Variants in COQ6 observed in about 807,000 individuals in gnomAD.
COQ6 encodes the protein ubiquinone biosynthesis monooxygenase COQ6, mitochondrial.
In COQ6, 45 loss-of-function variants were observed where a neutral mutation model predicts 55.5. The ratio of observed to expected loss-of-function variants is 0.81; its 90% CI spans 0.64 to 1.04. The LOEUF is 1.04. Ranked by LOEUF, COQ6 falls within the 50% of genes least tolerant of loss-of-function variation. The probability of loss-of-function intolerance (pLI) is 0.00; values close to 1 mark genes in which losing one functional copy is unlikely to be tolerated. For missense variants in COQ6, 550 were observed against 601.3 expected (o/e 0.91, Z 0.89); for synonymous variants, 206 against 230.5 (o/e 0.89, Z 0.96).
intron 8 of COQ6, chr14:73,960,268 A>G (rs34468446): frequency 0.12 from 121,310 of 986,298 alleles, 7,923 homozygotes; most frequent in East Asian, 0.21. Context: ...ACTGCTCAGG[A>G]TTGAATAAAG....
chr14:73,955,540 A>C (rs1316571476), intron 3 of COQ6, 31 bp downstream of exon 3: 1 of 1,601,718 alleles, frequency 6.2e-7, no homozygotes, highest in Admixed American at 1.7e-5. Context: ...TTTTGTCAAG[A>C]TGTCTTGGTC....
chr14:73,958,057 G>T, intron 4 of COQ6, 90 bp from the exon 5 acceptor site: 1 of 1,005,644 alleles, frequency 9.9e-7, no homozygotes, highest in South Asian at 1.3e-5. Flanking sequence ...CTGCTGTCCT[G>T]GGACCTTGCT....
intron 4 of COQ6, among the ~76,000 whole-genome samples, chr14:73,957,699 G>C (rs531822443): frequency 1.3e-5 from 2 of 152,250 alleles, no homozygotes; most frequent in South Asian, 4.1e-4. Flanking sequence ...CTAAGTTCTA[G>C]GATTACGAGC....
chr14:73,959,581 G>GTTTTT, intron 8 of COQ6, 59 bp downstream of exon 8: 1 of 1,404,958 alleles, frequency 7.1e-7, no homozygotes, highest in Admixed American at 1.9e-5. Flanking sequence ...GAAAGGTGTT[G>GTTTTT]TTTTTTTTTT....
chr14:73,960,010 T>G, intron 8 of COQ6: 1 of 1,027,964 alleles, frequency 9.7e-7, no homozygotes, highest in African/African-American at 1.7e-5. Flanking sequence ...AATAATAACC[T>G]TTTGAGGGTT....
chr14:73,958,272 T>C lies in COQ6; in HGVS notation c.607T>C (p.Leu203=). Residue 203 remains leucine (L), a synonymous_variant, in exon 5 of 12, where the codon TTG becomes CTG. Transcript: ENST00000334571. ...TGATGGCAGCACCTTCCAGACCAAATTGTTGGTAGTTGAAGATTCTTATTT... is the reference window on the plus strand; with the variant it reads ...TGATGGCAGCACCTTCCAGACCAAACTGTTGGTAGTTGAAGATTCTTATTT... ...LGDGSTFQTK[L]LIGADGHNSG... is the part of the protein sequence containing the mutation. The C allele has an allele frequency of 6.2e-7, 1 of 1,613,812 alleles. No individual in the cohort carries two copies. Among genetic ancestry groups the C allele is most frequent in the Non-Finnish European group, 8.5e-7 (1 of 1,179,754 alleles).
intron 8 of COQ6, 140 bp downstream of exon 8, chr14:73,959,662 C>T (rs149450319): frequency 4.7e-5 from 68 of 1,455,888 alleles, no homozygotes; most frequent in Middle Eastern, 2.0e-4. Context: ...CTCCGCCTCC[C>T]GGGTTCAAGC....
At chr14:73,960,389 G>T (rs771302224) in intron 8 of COQ6, 2 of 987,420 alleles carry the variant, frequency 2.0e-6, no homozygotes, top group East Asian at 2.3e-4. Context: ...GGATAATATG[G>T]GTACCAGTAT....
upstream of COQ6, chr14:73,950,091 C>T: frequency 6.2e-7 from 1 of 1,605,080 alleles, no homozygotes; most frequent in Non-Finnish European, 8.5e-7. Context: ...GCAGCGAGAG[C>T]TATGCGGGGC....
intron 1 of COQ6, among the ~76,000 whole-genome samples, chr14:73,951,784 C>T (rs543901649): frequency 1.3e-5 from 2 of 151,472 alleles, no homozygotes; most frequent in Non-Finnish European, 2.9e-5. Flanking sequence ...GCTGTTCCAC[C>T]CTATGATCCT....
intron 4 of COQ6, chr14:73,956,157 T>C (rs1340187361): frequency 2.3e-6 from 1 of 444,034 alleles, no homozygotes; most frequent in Non-Finnish European, 4.2e-6. Flanking sequence ...ACCCTGTCTC[T>C]ACTAAAAATA....
chr14:73,960,131 C>A (rs1224090052), intron 8 of COQ6: 2 of 991,836 alleles, frequency 2.0e-6, no homozygotes, highest in Non-Finnish European at 2.4e-6. Flanking sequence ...TAGGTTGCAG[C>A]TACCTGAACC....
rs774546137 is a variant in COQ6, at chr14:73,950,507, T to C, written c.163+12T>C. 9 of 1,597,912 alleles carry C rather than the reference T, an allele frequency of 5.6e-6. No homozygotes were observed. In the Admixed American group the frequency reaches 1.5e-4, roughly 27 times the overall value. On this transcript the variant is annotated intron_variant, in intron 1 of 11. Coordinates refer to ENST00000334571, the MANE Select transcript of COQ6 (RefSeq NM_182476.3). Reference sequence around the variant, plus strand: ...GGCCTGTGCCTTGGGTAAGCCCTTCTCCAGGCTACTAGTGGCCGGAAACCG... The same window carrying C: ...GGCCTGTGCCTTGGGTAAGCCCTTCCCCAGGCTACTAGTGGCCGGAAACCG...
chr14:73,955,553 T>C (rs2056393425), intron 3 of COQ6, 44 bp downstream of exon 3: 2 of 1,563,498 alleles, frequency 1.3e-6, no homozygotes, highest in South Asian at 2.2e-5. Context: ...TCTTGGTCTG[T>C]CTTAAGATAT....
intron 3 of COQ6, 147 bp from the exon 4 acceptor site, chr14:73,955,657 AG>A (rs1202492769): frequency 7.2e-7 from 1 of 1,397,282 alleles, no homozygotes; most frequent in African/African-American, 1.4e-5. Flanking sequence ...CATTCCCAGG[AG>A]AATTTTCTTC....
upstream of COQ6, chr14:73,950,093 A>C: frequency 6.2e-7 from 1 of 1,604,806 alleles, no homozygotes; most frequent in African/African-American, 1.3e-5. Flanking sequence ...AGCGAGAGCT[A>C]TGCGGGGCCA....
At chr14:73,956,327 C>CA (rs34194477) in intron 4 of COQ6, 59,526 of 146,112 alleles carry the variant, frequency 0.41, 11,984 homozygotes, top group Middle Eastern at 0.51. Flanking sequence ...GACTCCGTCT[C>CA]AAAAAAAAAA....
chr14:73,950,363 G>C lies in COQ6; in HGVS notation c.31G>C (p.Ala11Pro). 4 of 1,559,970 alleles carry C rather than the reference G, an allele frequency of 2.6e-6. No individual in the cohort carries two copies. Among genetic ancestry groups the C allele is most frequent in the Non-Finnish European group, 3.5e-6 (4 of 1,154,702 alleles). Residue 11 changes from alanine (A) to proline (P), a missense_variant, in exon 1 of 12, where the codon GCT becomes CCT. By Grantham distance (27) the Ala-to-Pro change is conservative. Transcript: ENST00000334571. Reference protein sequence around the residue: MAARLVSRCGAVRAAPHSGPL... With the variant: MAARLVSRCGPVRAAPHSGPL... ...GGCCCGGCTTGTCAGCCGATGCGGG[G>C]CTGTGCGTGCAGCTCCCCACAGCGG...
In COQ6 at chr14:73,958,274, G is replaced by T; in HGVS notation, c.609G>T (p.Leu203Phe). ...ATGGCAGCACCTTCCAGACCAAATTGTTGGTAGTTGAAGATTCTTATTTTG... is the reference window on the plus strand; with the variant it reads ...ATGGCAGCACCTTCCAGACCAAATTTTTGGTAGTTGAAGATTCTTATTTTG... Reference protein sequence around the residue: ...LGDGSTFQTKLLIGADGHNSG... With the variant: ...LGDGSTFQTKFLIGADGHNSG... The change falls in exon 5 of 12, where the codon TTG (leucine) becomes TTT (phenylalanine). Residue 203 changes from leucine to phenylalanine, a missense_variant. Physicochemically the swap from Leu to Phe is conservative, Grantham distance 22. Transcript: ENST00000334571. 1 of 1,613,948 alleles carries T rather than the reference G, an allele frequency of 6.2e-7. No individual in the cohort carries two copies. Among genetic ancestry groups the T allele is most frequent in the Non-Finnish European group, 8.5e-7 (1 of 1,179,894 alleles).
Sources: allele counts gnomAD v4.1 joint callset (sites outside exome capture counted in the v4.1 genomes callset), GRCh38; gene constraint gnomAD v4.1.1; transcripts MANE v1.5; gene names NCBI Gene and HGNC (gene_info 2026-07-23, HGNC 2026-07-21).